Variants in TBC1D9 observed in about 807,000 individuals in gnomAD.
TBC1D9 encodes TBC1 domain family member 9A.
Under a neutral mutation model 132.0 loss-of-function variants are expected in TBC1D9, and 63 were observed. The observed-to-expected ratio is 0.48, with a 90% confidence interval of 0.39 to 0.59. The LOEUF is 0.59. TBC1D9 is among the 20% of genes least tolerant of loss of function. The pLI, the probability that TBC1D9 is intolerant of heterozygous loss-of-function variation, is 0.00. For synonymous variants in TBC1D9, 610 were observed against 609.9 expected (o/e 1.00, Z 0.00); for missense variants, 1,261 against 1,592.7 (o/e 0.79, Z 3.54).
At position 140,687,979 on chromosome 4, in the gene TBC1D9, C is replaced by A. The variant is rs558928292; in HGVS notation, c.242-1517G>T. On this transcript the variant is annotated intron_variant, in intron 2 of 20. Transcript: ENST00000442267. Reference sequence around the variant, plus strand: ...GTGGCATGTGCCTGTAGTCCAGCTACTTGGGAGGAGGAGGTGAGAGGTCCA... The same window carrying A: ...GTGGCATGTGCCTGTAGTCCAGCTAATTGGGAGGAGGAGGTGAGAGGTCCA... 3.1e-4 allele frequency among the ~76,000 whole-genome samples: 47 copies of A among 152,086 alleles called. No individual in the cohort carries two copies. In the Middle Eastern group the frequency reaches 0.014, roughly 44 times the overall value.
chr4:140,708,939 A>G (rs1560892192), intron 1 of TBC1D9, among the ~76,000 whole-genome samples: 1 of 152,160 alleles, frequency 6.6e-6, no homozygotes, highest in Non-Finnish European at 1.5e-5. Context: ...GGGCATGGAT[A>G]GACATGTAAC....
intron 12 of TBC1D9, 76 bp from the exon 13 acceptor site, chr4:140,657,302 G>C: frequency 6.5e-7 from 1 of 1,533,112 alleles, no homozygotes; most frequent in Non-Finnish European, 8.8e-7. Context: ...ATCATTTTCT[G>C]CAAGTTCTAC....
intron 1 of TBC1D9, among the ~76,000 whole-genome samples, chr4:140,709,248 T>TCTCTCTCTCTCTCACACA (rs1382500714): frequency 7.2e-4 from 75 of 104,184 alleles, no homozygotes; most frequent in African/African-American, 3.0e-3. Flanking sequence ...TCTCTCTCTC[T>TCTCTCTCTCTCTCACACA]CACACACACA....
At chr4:140,657,433 G>A in intron 12 of TBC1D9, 94 bp downstream of exon 12, 2 of 1,407,184 alleles carry the variant, frequency 1.4e-6, no homozygotes, top group African/African-American at 1.4e-5. Flanking sequence ...CGGGCATTAT[G>A]ATCACCATCA....
intron 13 of TBC1D9, among the ~76,000 whole-genome samples, chr4:140,640,819 A>G (rs899183451): frequency 1.3e-5 from 2 of 150,042 alleles, no homozygotes; most frequent in South Asian, 2.1e-4. Context: ...GTCTGGCAGT[A>G]TCTACTGACT....
At chr4:140,664,040 C>CAAAAAAAA (rs1224457471) in intron 9 of TBC1D9, among the ~76,000 whole-genome samples, 1 of 112,924 alleles carries the variant, frequency 8.9e-6, no homozygotes, top group Non-Finnish European at 1.8e-5. Flanking sequence ...CTCTCCCCAC[C>CAAAAAAAA]AAAAAAAAAA....
At chr4:140,720,013 T>C (rs1738398324) in intron 1 of TBC1D9, among the ~76,000 whole-genome samples, 1 of 152,190 alleles carries the variant, frequency 6.6e-6, no homozygotes, top group Non-Finnish European at 1.5e-5. Context: ...ATGAAGATAA[T>C]AGTATCTTCC....
At chr4:140,699,050 C>A (rs151319135) in intron 2 of TBC1D9, among the ~76,000 whole-genome samples, 2 of 152,248 alleles carry the variant, frequency 1.3e-5, no homozygotes, top group African/African-American at 4.8e-5. Flanking sequence ...CCCAGCACAG[C>A]ACTTCCTACC....
rs555050982 is a variant in TBC1D9 at position 140,706,572 on chromosome 4, A to G, written c.131-4958T>C. 6.6e-6 allele frequency among the ~76,000 whole-genome samples: 1 copy of G among 152,210 alleles called. No individual in the cohort carries two copies. Among genetic ancestry groups the G allele is most frequent in the South Asian group, 2.1e-4 (1 of 4,824 alleles). On this transcript the variant is annotated intron_variant, in intron 1 of 20. Transcript: ENST00000442267. The surrounding 1 kb of genome is among the most constrained non-coding windows in gnomAD (Gnocchi z 4.0). ...TCCGATCTATTTTTTTTTTTAACAG[A>G]AAGAAAAGGTAACAGCCACAGTGAG...
chr4:140,698,026 AGGTGGAGGGGTTT>A (rs1738002320), intron 2 of TBC1D9, among the ~76,000 whole-genome samples: 1 of 152,218 alleles, frequency 6.6e-6, no homozygotes, highest in Non-Finnish European at 1.5e-5. Context: ...CACCGTCATG[AGGTGGAGGGGTTT>A]GGTGGCTCTC....
Position 140,659,406 on chromosome 4 carries a change from A to G in TBC1D9, c.1921+182T>C, listed in dbSNP as rs953141068. ...GTATGTGTATAGTCCCTTAAACTCC[A>G]CGGGGCTCCTTTGTATACAACCTAT... is the stretch of plus-strand genomic sequence containing the variant. On this transcript the variant is annotated intron_variant, in intron 11 of 20. Coordinates refer to ENST00000442267, the MANE Select transcript of TBC1D9 (RefSeq NM_015130.3). 6.2e-6 allele frequency: 3 copies of G among 484,700 alleles called. No homozygotes were observed. In the South Asian group the frequency reaches 1.4e-4, roughly 23 times the overall value. The allele number at this position is 484,700 out of a possible 1,614,324, so 30.0% of individuals were successfully genotyped here. A position where few individuals can be genotyped will look rare whatever the true frequency, so the allele number is the denominator to read the frequency against.
At chr4:140,737,147 T>C (rs2111074004) in intron 1 of TBC1D9, among the ~76,000 whole-genome samples, 1 of 152,290 alleles carries the variant, frequency 6.6e-6, no homozygotes, top group Non-Finnish European at 1.5e-5. Flanking sequence ...TAGAATCTAA[T>C]GCTGCTGCTG....
In TBC1D9 at chr4:140,669,747, C is replaced by T. The variant is rs1361235854; in HGVS notation, c.1324G>A (p.Asp442Asn). 6.2e-7 allele frequency: 1 copy of T among 1,613,830 alleles called. No individual in the cohort carries two copies. The highest frequency in any genetic ancestry group is 8.5e-7 in the Non-Finnish European group (1 of 1,179,874). The change falls in exon 8 of 21, where the codon GAT becomes AAT. Residue 442 changes from aspartate (D) to asparagine (N), a missense_variant. Around this residue, in one of 3 missense-constraint regions of TBC1D9, gnomAD observed 550 missense variants for 699.0 expected, o/e 0.79. Transcript: ENST00000442267. ...SSSPQRSTSS[D>N]ADGERQFNLN... The stretch of plus-strand genomic sequence containing the variant: ...TTAAACTGGCGCTCTCCATCAGCAT[C>T]AGAGCTCGTGCTTCTCTGGGGGCTG...
At chr4:140,689,030 G>A (rs1194054804) in intron 2 of TBC1D9, among the ~76,000 whole-genome samples, 2 of 152,044 alleles carry the variant, frequency 1.3e-5, no homozygotes, top group Non-Finnish European at 2.9e-5. Flanking sequence ...TGTTCCATCT[G>A]TGCTTGTTGG....
intron 1 of TBC1D9, among the ~76,000 whole-genome samples, chr4:140,734,629 C>T (rs1267535762): frequency 3.3e-5 from 5 of 151,954 alleles, no homozygotes; most frequent in Non-Finnish European, 7.4e-5. Flanking sequence ...CCCATCTCTA[C>T]AAAAAAATTT....
Position 140,755,920 on chromosome 4 carries a change from C to T in TBC1D9, c.126G>A (p.Leu42=). ...HAGDGGGGGG[L]AGLLVGTLDV... is the part of the protein sequence containing the mutation. ...GGGATCGGCCACGGTCCTTACCCGC[C>T]AGTCCGCCGCCGCCGCCTCCATCGC... Residue 42 remains leucine, a synonymous_variant, in exon 1 of 21, where the codon CTG becomes CTA. Coordinates refer to ENST00000442267, the MANE Select transcript of TBC1D9 (RefSeq NM_015130.3). 6.4e-7 allele frequency: 1 copy of T among 1,565,286 alleles called. No homozygotes were observed. The highest frequency in any genetic ancestry group is 1.2e-5 in the South Asian group (1 of 85,506).
chr4:140,631,475 C>G (rs1469878380), intron 16 of TBC1D9, among the ~76,000 whole-genome samples: 2 of 152,142 alleles, frequency 1.3e-5, no homozygotes, highest in African/African-American at 4.8e-5. Context: ...CCTGCCTCAG[C>G]CTGAAACCCC....
rs1737285458 is a variant in TBC1D9, at chr4:140,657,131, A to G, written c.2303T>C (p.Val768Ala). The change falls in exon 13 of 21, where the codon GTA (valine) becomes GCA (alanine). Residue 768 changes from valine to alanine, a missense_variant. Around this residue, in one of 3 missense-constraint regions of TBC1D9, gnomAD observed 618 missense variants for 724.4 expected, o/e 0.85. Coordinates refer to ENST00000442267, the MANE Select transcript of TBC1D9 (RefSeq NM_015130.3). The part of the protein sequence containing the change: ...LSDDVEPYPE[V>A]DIFRLIRTSY... ...AGTTCTGATGAGTCTAAAGATGTCTACCTCAGGGTAAGGTTCCACATCATC... is the reference window on the plus strand; with the variant it reads ...AGTTCTGATGAGTCTAAAGATGTCTGCCTCAGGGTAAGGTTCCACATCATC... The G allele has an allele frequency of 6.2e-7, 1 of 1,613,950 alleles. No individual in the cohort carries two copies. The highest frequency in any genetic ancestry group is 2.2e-5 in the East Asian group (1 of 44,878).
chr4:140,671,009 C>A, intron 6 of TBC1D9, 83 bp from the exon 7 acceptor site: 1 of 1,190,844 alleles, frequency 8.4e-7, no homozygotes, highest in Non-Finnish European at 1.2e-6. Flanking sequence ...AGGAGGAAGG[C>A]GGCACTTTCA....
Sources: gnomAD v4.1 joint callset for allele counts (sites outside exome capture counted in the v4.1 genomes callset) on GRCh38, gnomAD v4.1.1 for gene constraint, gnomAD v4.1.1 regional missense constraint, Gnocchi (gnomAD v3.1) non-coding constraint, MANE v1.5 for transcripts, NCBI Gene and HGNC (gene_info 2026-07-23, HGNC 2026-07-21) for gene names.